KIRREL3: variants seen among roughly 807,000 people sequenced by gnomAD.
The protein encoded by KIRREL3 is kin of IRRE-like protein 3.
Under a neutral mutation model 89.7 loss-of-function variants are expected in KIRREL3, and 36 were observed. The ratio of observed to expected loss-of-function variants is 0.40; its 90% CI spans 0.31 to 0.53. The LOEUF is 0.53. KIRREL3 is among the 20% of genes least tolerant of loss of function. The pLI is 0.49. For synonymous variants in KIRREL3, 445 were observed against 441.4 expected (o/e 1.01, Z -0.10); for missense variants, 864 against 1,056.6 (o/e 0.82, Z 2.53).
rs1256322809 is a variant in KIRREL3, at chr11:126,551,228, G to T, written c.133+11607C>A. 6.6e-6 allele frequency among the ~76,000 whole-genome samples: 1 copy of T among 152,074 alleles called. No homozygotes were observed. Among genetic ancestry groups the T allele is most frequent in the African/African-American group, 2.4e-5 (1 of 41,400 alleles). Reference sequence around the variant, plus strand: ...AAGCTCCCGAAACTCAGTCCTTTTGGGTTTTCATGGAAGCATTCCTTCCCC... The same window carrying T: ...AAGCTCCCGAAACTCAGTCCTTTTGTGTTTTCATGGAAGCATTCCTTCCCC... On this transcript the variant is annotated intron_variant, in intron 2 of 16. Coordinates refer to ENST00000525144, the MANE Select transcript of KIRREL3 (RefSeq NM_032531.4). This position sits in a 1 kb window ranked among gnomAD's most constrained non-coding sequence, Gnocchi z 4.9.
chr11:126,894,211 G>A (rs191492602), intron 1 of KIRREL3, among the ~76,000 whole-genome samples: 4 of 152,256 alleles, frequency 2.6e-5, no homozygotes, highest in African/African-American at 4.8e-5. Flanking sequence ...GGGAATACAC[G>A]CAAAGTAGAG....
In KIRREL3 at chr11:126,981,889, T is replaced by G. The variant is rs913662181; in HGVS notation, c.55+18566A>C. Among the ~76,000 whole-genome samples, 1 of 152,238 alleles carries G rather than the reference T, an allele frequency of 6.6e-6. No homozygotes were observed. The highest frequency in any genetic ancestry group is 1.5e-5 in the Non-Finnish European group (1 of 68,038). On this transcript the variant is annotated intron_variant, in intron 1 of 16. Coordinates refer to ENST00000525144, the MANE Select transcript of KIRREL3 (RefSeq NM_032531.4). This position sits in a 1 kb window ranked among gnomAD's most constrained non-coding sequence, Gnocchi z 4.2. ...TGGGGGCTCTGCTGGGATGACAGCC[T>G]TTAAACACCTCATTAATATTCAAAT...
rs1013791100 is a variant in KIRREL3, at chr11:126,601,075, C to T, written c.56-38163G>A. On this transcript the variant is annotated intron_variant, in intron 1 of 16. Coordinates refer to ENST00000525144, the MANE Select transcript of KIRREL3 (RefSeq NM_032531.4). This position sits in a 1 kb window ranked among gnomAD's most constrained non-coding sequence, Gnocchi z 5.8. ...GCGAAATTTAAAACCCTTTGTCCCC[C>T]GTCCTCCCAGCCCCCCGATGTTCCA... Among the ~76,000 whole-genome samples, 39 of 151,832 alleles carry T rather than the reference C, an allele frequency of 2.6e-4. No individual in the cohort carries two copies. Among genetic ancestry groups the T allele is most frequent in the African/African-American group, 4.8e-5 (2 of 41,312 alleles).
intron 12 of KIRREL3, among the ~76,000 whole-genome samples, chr11:126,436,433 G>T (rs73629334): frequency 0.041 from 6,169 of 152,316 alleles, 424 homozygotes; most frequent in African/African-American, 0.14. Context: ...ATGACACTTT[G>T]GTGTCAGACC....
In KIRREL3 at chr11:126,642,250, G is replaced by A. The variant is rs943630393; in HGVS notation, c.56-79338C>T. ...ATCCTTCCTGCACTGGTCTCATTGG[G>A]GTTGGTGGTTAGTTCTCACTTTCCC... On this transcript the variant is annotated intron_variant, in intron 1 of 16. Transcript: ENST00000525144. This position sits in a 1 kb window ranked among gnomAD's most constrained non-coding sequence, Gnocchi z 4.9. 6.6e-6 allele frequency among the ~76,000 whole-genome samples: 1 copy of A among 152,220 alleles called. No homozygotes were observed. Among genetic ancestry groups the A allele is most frequent in the African/African-American group, 2.4e-5 (1 of 41,450 alleles).
In KIRREL3 at chr11:126,462,032, C is replaced by T. The variant is rs1475552613; in HGVS notation, c.742+1125G>A. 2.0e-5 allele frequency among the ~76,000 whole-genome samples: 3 copies of T among 152,120 alleles called. No homozygotes were observed. The highest frequency in any genetic ancestry group is 7.2e-5 in the African/African-American group (3 of 41,416). On this transcript the variant is annotated intron_variant, in intron 6 of 16. Coordinates refer to ENST00000525144, the MANE Select transcript of KIRREL3 (RefSeq NM_032531.4). The surrounding 1 kb of genome is among the most constrained non-coding windows in gnomAD (Gnocchi z 4.8). ...CCTGACTCTTTAAACTGAACTAATC[C>T]AGTCTTGAGAGGAAGGCCCCTGGAA...
In KIRREL3 at chr11:126,965,546, C is replaced by T. The variant is rs926825997; in HGVS notation, c.55+34909G>A. 3.5e-4 allele frequency among the ~76,000 whole-genome samples: 53 copies of T among 152,182 alleles called. 1 individual carries two copies. The highest frequency in any genetic ancestry group is 2.8e-3 in the Admixed American group (43 of 15,284). ...CCCTATTGTGAAAGACTAACACGTGCGTCATTGCCATTTGAATTCACGGAT... is the reference window on the plus strand; with the variant it reads ...CCCTATTGTGAAAGACTAACACGTGTGTCATTGCCATTTGAATTCACGGAT... On this transcript the variant is annotated intron_variant, in intron 1 of 16. Coordinates refer to ENST00000525144, the MANE Select transcript of KIRREL3 (RefSeq NM_032531.4). This position sits in a 1 kb window ranked among gnomAD's most constrained non-coding sequence, Gnocchi z 4.4.
intron 1 of KIRREL3, among the ~76,000 whole-genome samples, chr11:126,650,657 T>C (rs1944873019): frequency 6.6e-6 from 1 of 152,220 alleles, no homozygotes. Context: ...ATCAGGCTTC[T>C]GGTCAAAGCC....
intron 1 of KIRREL3, among the ~76,000 whole-genome samples, chr11:126,743,172 A>G (rs945305902): frequency 2.0e-5 from 3 of 152,104 alleles, no homozygotes; most frequent in Admixed American, 1.3e-4. Flanking sequence ...CAAACAAACA[A>G]ACAAAAAAAA....
chr11:126,850,503 T>C (rs1181033951), intron 1 of KIRREL3, among the ~76,000 whole-genome samples: 1 of 152,180 alleles, frequency 6.6e-6, no homozygotes, highest in Non-Finnish European at 1.5e-5. Flanking sequence ...TCATAGGTTC[T>C]CCCAACTCCT....
intron 1 of KIRREL3, among the ~76,000 whole-genome samples, chr11:126,588,297 T>C (rs1210633315): frequency 6.6e-6 from 1 of 152,244 alleles, no homozygotes; most frequent in Non-Finnish European, 1.5e-5. Context: ...TGAGCCCCAG[T>C]TTCCTAATCC....
chr11:126,937,827 A>T (rs745527770), intron 1 of KIRREL3, among the ~76,000 whole-genome samples: 31 of 152,188 alleles, frequency 2.0e-4, no homozygotes, highest in Non-Finnish European at 3.5e-4. Context: ...TGAACCAAGG[A>T]GGCGGAGCTT....
Position 126,455,655 on chromosome 11 carries a change from G to A in KIRREL3, c.848+694C>T, listed in dbSNP as rs970717077. 3.3e-5 allele frequency among the ~76,000 whole-genome samples: 5 copies of A among 151,332 alleles called. No homozygotes were observed. Among genetic ancestry groups the A allele is most frequent in the Admixed American group, 1.3e-4 (2 of 15,162 alleles). On this transcript the variant is annotated intron_variant, in intron 7 of 16. Transcript: ENST00000525144. This position sits in a 1 kb window ranked among gnomAD's most constrained non-coding sequence, Gnocchi z 6.4. The stretch of plus-strand genomic sequence containing the variant: ...TACAAAAAAAAAAAAAAATTAGCTG[G>A]CGTGGTGGCGGGCGCCTGTAGTCCC...
Position 126,876,584 on chromosome 11 carries a change from C to A in KIRREL3, c.55+123871G>T, listed in dbSNP as rs1032756028. On this transcript the variant is annotated intron_variant, in intron 1 of 16. Transcript: ENST00000525144. The surrounding 1 kb of genome is among the most constrained non-coding windows in gnomAD (Gnocchi z 4.1). Reference sequence around the variant, plus strand: ...ATGGAGTCTTGCTCTGTCACCCAGGCTGGAGTGCAGCGGTGCGACCTTGGC... The same window carrying A: ...ATGGAGTCTTGCTCTGTCACCCAGGATGGAGTGCAGCGGTGCGACCTTGGC... 6.1e-5 allele frequency among the ~76,000 whole-genome samples: 9 copies of A among 147,322 alleles called. No individual in the cohort carries two copies. The highest frequency in any genetic ancestry group is 2.3e-4 in the African/African-American group (9 of 39,542).
At position 126,772,797 on chromosome 11, in the gene KIRREL3, T is replaced by C. The variant is rs572369151; in HGVS notation, c.56-209885A>G. The stretch of plus-strand genomic sequence containing the variant: ...CCTCCTGCCCTGAGGAGTTTCTTCC[T>C]CTGATTCCTTGGTTTTGAGCCTTTG... On this transcript the variant is annotated intron_variant, in intron 1 of 16. Transcript: ENST00000525144. The surrounding 1 kb of genome is among the most constrained non-coding windows in gnomAD (Gnocchi z 4.6). Among the ~76,000 whole-genome samples, 3 of 152,186 alleles carry C rather than the reference T, an allele frequency of 2.0e-5. No homozygotes were observed. Among genetic ancestry groups the C allele is most frequent in the Non-Finnish European group, 2.9e-5 (2 of 68,026 alleles).
chr11:126,960,900 T>C (rs926776957), intron 1 of KIRREL3, among the ~76,000 whole-genome samples: 1 of 152,210 alleles, frequency 6.6e-6, no homozygotes, highest in Non-Finnish European at 1.5e-5. Flanking sequence ...TCTCACATTA[T>C]GGTTATTATC....
chr11:126,937,500 T>C (rs539860192), intron 1 of KIRREL3, among the ~76,000 whole-genome samples: 2 of 152,320 alleles, frequency 1.3e-5, no homozygotes, highest in East Asian at 3.9e-4. Flanking sequence ...ATACATTTCC[T>C]GGAGGAGCTT....
intron 4 of KIRREL3, among the ~76,000 whole-genome samples, chr11:126,499,130 C>CTGT (rs1298116919): frequency 8.3e-6 from 1 of 119,866 alleles, no homozygotes; most frequent in East Asian, 2.3e-4. Context: ...CCAGCCTGGA[C>CTGT]AACAGAGCAA....
rs1454519552 is a variant in KIRREL3 at position 126,492,396 on chromosome 11, C to G, written c.434-18930G>C. On this transcript the variant is annotated intron_variant, in intron 4 of 16. Transcript: ENST00000525144. The surrounding 1 kb of genome is among the most constrained non-coding windows in gnomAD (Gnocchi z 4.8). ...TGGACCTGGTGGCTCTGCAAAGCCC[C>G]TCTCAGCCCCTGTCCACTCAAGTAC... 6.6e-6 allele frequency among the ~76,000 whole-genome samples: 1 copy of G among 152,190 alleles called. No individual in the cohort carries two copies. The highest frequency in any genetic ancestry group is 1.9e-4 in the East Asian group (1 of 5,170).
Sources: gnomAD v4.1 joint callset for allele counts (sites outside exome capture counted in the v4.1 genomes callset) on GRCh38, gnomAD v4.1.1 for gene constraint, Gnocchi (gnomAD v3.1) non-coding constraint, MANE v1.5 for transcripts, NCBI Gene and HGNC (gene_info 2026-07-23, HGNC 2026-07-21) for gene names.